ARHGAP32: variants seen among roughly 807,000 people sequenced by gnomAD.
The protein encoded by ARHGAP32 is Rho GTPase activating protein 32.
In ARHGAP32, 51 loss-of-function variants were observed where a neutral mutation model predicts 186.5. That is an observed-to-expected ratio of 0.27 (90% CI 0.22 to 0.35). ARHGAP32 has a LOEUF of 0.35. ARHGAP32 is among the 10% of genes least tolerant of loss of function. The pLI, the probability that ARHGAP32 is intolerant of heterozygous loss-of-function variation, is 1.00. For missense variants in ARHGAP32, 2,186 were observed against 2,623.5 expected (o/e 0.83, Z 3.64); for synonymous variants, 950 against 964.3 (o/e 0.99, Z 0.27).
chr11:129,261,615 T>G (rs1371646551), intron 1 of ARHGAP32, among the ~76,000 whole-genome samples: 1 of 152,178 alleles, frequency 6.6e-6, no homozygotes, highest in South Asian at 2.1e-4. Flanking sequence ...AACCAAGCAT[T>G]TTTTGTTTCC....
At chr11:129,104,705 G>A (rs1358634404) in intron 5 of ARHGAP32, among the ~76,000 whole-genome samples, 1 of 151,704 alleles carries the variant, frequency 6.6e-6, no homozygotes, top group Non-Finnish European at 1.5e-5. Context: ...AAAGAAGATG[G>A]CCAAATGGTG....
At chr11:129,259,426 GA>G (rs537786285) in intron 1 of ARHGAP32, among the ~76,000 whole-genome samples, 16 of 151,278 alleles carry the variant, frequency 1.1e-4, no homozygotes, top group African/African-American at 3.6e-4. Flanking sequence ...CACTTTGGAA[GA>G]AAAAAAAGAG....
At chr11:128,988,176 C>A in intron 12 of ARHGAP32, 51 bp from the exon 13 acceptor site, 3 of 1,334,124 alleles carry the variant, frequency 2.2e-6, no homozygotes, top group African/African-American at 1.5e-5. Flanking sequence ...TCACTGGAAC[C>A]AAAGTTGCCA....
intron 10 of ARHGAP32, among the ~76,000 whole-genome samples, chr11:129,045,485 T>C (rs1314460494): frequency 2.0e-5 from 3 of 152,208 alleles, no homozygotes; most frequent in Non-Finnish European, 2.9e-5. Flanking sequence ...CATTTTACCA[T>C]CACAAAATTT....
In ARHGAP32 at chr11:129,150,384, ATAGT is replaced by A; in HGVS notation, c.225+13931_225+13934del. Among the ~76,000 whole-genome samples, 2 of 152,304 alleles carry A rather than the reference ATAGT, an allele frequency of 1.3e-5. 1 individual carries two copies. The highest frequency in any genetic ancestry group is 3.9e-4 in the East Asian group (2 of 5,190). On this transcript the variant is annotated intron_variant, in intron 2 of 22. Coordinates refer to ENST00000682385, the MANE Select transcript of ARHGAP32 (RefSeq NM_001378024.1). The stretch of plus-strand genomic sequence containing the variant: ...AGTCATCAGGTTATCTAAATCCCTC[ATAGT>A]TGGTGAGGCTGGCCTGGCTCCTGCA...
chr11:129,180,233 T>C (rs1449654366), intron 1 of ARHGAP32, among the ~76,000 whole-genome samples: 3 of 152,146 alleles, frequency 2.0e-5, no homozygotes, highest in African/African-American at 7.2e-5. Flanking sequence ...CTCATAAATG[T>C]TGTGCAACAG....
At chr11:128,986,698 C>T in intron 13 of ARHGAP32, 30 bp from the exon 14 acceptor site, 1 of 1,609,240 alleles carries the variant, frequency 6.2e-7, no homozygotes. Flanking sequence ...ACAAGCAAAT[C>T]ATTTGATTGA....
chr11:129,179,760 T>C (rs1047132198), intron 1 of ARHGAP32, among the ~76,000 whole-genome samples: 11 of 141,046 alleles, frequency 7.8e-5, no homozygotes, highest in Non-Finnish European at 1.4e-4. Flanking sequence ...CACATGGACA[T>C]AGGAAGGGGA....
intron 1 of ARHGAP32, among the ~76,000 whole-genome samples, chr11:129,209,144 A>G (rs1944549609): frequency 6.6e-6 from 1 of 152,158 alleles, no homozygotes; most frequent in South Asian, 2.1e-4. Context: ...GATACACACA[A>G]TCTCATTAAT....
intron 11 of ARHGAP32, among the ~76,000 whole-genome samples, chr11:129,018,048 T>C (rs1333983886): frequency 1.3e-5 from 2 of 152,050 alleles, no homozygotes; most frequent in Admixed American, 6.5e-5. Flanking sequence ...TATTTATTTA[T>C]TTATTACTAT....
intron 5 of ARHGAP32, among the ~76,000 whole-genome samples, chr11:129,122,498 T>A (rs1176697066): frequency 6.6e-6 from 1 of 152,138 alleles, no homozygotes; most frequent in East Asian, 1.9e-4. Flanking sequence ...AAGAAATTTA[T>A]CATGTTAACT....
chr11:129,123,593 G>A lies in ARHGAP32; in HGVS notation c.360-63C>T, dbSNP rs1236484547. 6 of 1,453,972 alleles carry A rather than the reference G, an allele frequency of 4.1e-6. No individual in the cohort carries two copies. The Admixed American group carries it at 7.3e-5, about 18-fold the overall frequency. 90.1% of individuals were successfully genotyped at this position (1,453,972 alleles called of 1,614,324 possible). A position where few individuals can be genotyped will look rare whatever the true frequency, so the allele number is the denominator to read the frequency against. On this transcript the variant is annotated intron_variant, in intron 4 of 22. Coordinates refer to ENST00000682385, the MANE Select transcript of ARHGAP32 (RefSeq NM_001378024.1). This position sits in a 1 kb window ranked among gnomAD's most constrained non-coding sequence, Gnocchi z 4.6. ...AACAGTAAAAATTACTAAGTTTAAG[G>A]GAAAAATACAGTGGATTTAAGAGCT...
In ARHGAP32 at chr11:128,973,667, A is replaced by G. The variant is rs1033221515; in HGVS notation, c.3074-235T>C. 1.6e-5 allele frequency: 9 copies of G among 566,556 alleles called. No individual in the cohort carries two copies. The African/African-American group carries it at 1.7e-4, about 11-fold the overall frequency. The allele number at this position is 566,556 out of a possible 1,614,324, so 35.1% of individuals were successfully genotyped here. A position where few individuals can be genotyped will look rare whatever the true frequency, so the allele number is the denominator to read the frequency against. The stretch of plus-strand genomic sequence containing the variant: ...GCAATCTCTTCTTGAATTGTTACAG[A>G]GATGGGGGGGAAAAAAAGCATGTCC... On this transcript the variant is annotated intron_variant, in intron 21 of 22. Coordinates refer to ENST00000682385, the MANE Select transcript of ARHGAP32 (RefSeq NM_001378024.1).
chr11:128,983,942 C>T (rs1210025552), intron 15 of ARHGAP32, among the ~76,000 whole-genome samples: 11 of 152,034 alleles, frequency 7.2e-5, no homozygotes, highest in South Asian at 6.2e-4. Context: ...CAACCTGGAA[C>T]GTAATTTGGA....
intron 1 of ARHGAP32, among the ~76,000 whole-genome samples, chr11:129,171,137 A>G (rs866998071): frequency 1.1e-4 from 16 of 152,300 alleles, no homozygotes; most frequent in African/African-American, 3.8e-4. Flanking sequence ...CACTCTGATG[A>G]TAAGTTTCTT....
At chr11:129,214,571 GGTGT>G (rs1944621825) in intron 1 of ARHGAP32, among the ~76,000 whole-genome samples, 1 of 152,132 alleles carries the variant, frequency 6.6e-6, no homozygotes, top group Non-Finnish European at 1.5e-5. Context: ...CTTCCAGGAA[GGTGT>G]CTCTCCTTTG....
intron 2 of ARHGAP32, among the ~76,000 whole-genome samples, chr11:129,147,273 A>T (rs1943186377): frequency 6.6e-6 from 1 of 152,200 alleles, no homozygotes; most frequent in Non-Finnish European, 1.5e-5. Context: ...TAGACAATTC[A>T]CTGTGGATTC....
intron 12 of ARHGAP32, among the ~76,000 whole-genome samples, chr11:128,989,557 T>C (rs12801204): frequency 0.064 from 5,513 of 86,790 alleles, 307 homozygotes; most frequent in African/African-American, 0.2. Flanking sequence ...CACACACACA[T>C]ACATATATCT....
intron 1 of ARHGAP32, among the ~76,000 whole-genome samples, chr11:129,268,298 A>T (rs558804186): frequency 6.6e-6 from 1 of 152,352 alleles, no homozygotes. Context: ...AAAATAAAGC[A>T]GATCTGTGTG....
Sources: gnomAD v4.1 joint callset for allele counts (sites outside exome capture counted in the v4.1 genomes callset) on GRCh38, gnomAD v4.1.1 for gene constraint, Gnocchi (gnomAD v3.1) non-coding constraint, MANE v1.5 for transcripts, NCBI Gene and HGNC (gene_info 2026-07-23, HGNC 2026-07-21) for gene names.